Variants in P2RX3 observed in about 807,000 individuals in gnomAD.
The protein encoded by P2RX3 is purinergic receptor P2X 3.
In P2RX3, 41 loss-of-function variants were observed where a neutral mutation model predicts 51.5. The ratio of observed to expected loss-of-function variants is 0.80; its 90% CI spans 0.62 to 1.03. The LOEUF (loss-of-function observed/expected upper bound fraction) is 1.03. P2RX3 is among the 50% of genes least tolerant of loss of function. The pLI, the probability that P2RX3 is intolerant of heterozygous loss-of-function variation, is 0.00. For missense variants in P2RX3, 459 were observed against 522.1 expected (o/e 0.88, Z 1.18); for synonymous variants, 185 against 191.6 (o/e 0.97, Z 0.29).
chr11:57,357,997 G>A (rs1184463600), intron 8 of P2RX3, among the ~76,000 whole-genome samples: 1 of 152,166 alleles, frequency 6.6e-6, no homozygotes, highest in Non-Finnish European at 1.5e-5. Flanking sequence ...TCCTGCTGCT[G>A]TAACAGTTAC....
chr11:57,369,804 G>T, intron 11 of P2RX3, 80 bp from the exon 12 acceptor site: 1 of 1,037,862 alleles, frequency 9.6e-7, no homozygotes. Context: ...GGCGCCCACT[G>T]CTGAGTCTGT....
At chr11:57,364,251 G>A (rs1449606994) in intron 8 of P2RX3, among the ~76,000 whole-genome samples, 1 of 152,210 alleles carries the variant, frequency 6.6e-6, no homozygotes, top group Non-Finnish European at 1.5e-5. Context: ...CCAGTGATGT[G>A]AGACAGGACA....
At chr11:57,353,781 C>G (rs1465529446) in intron 8 of P2RX3, among the ~76,000 whole-genome samples, 1 of 151,702 alleles carries the variant, frequency 6.6e-6, no homozygotes, top group Non-Finnish European at 1.5e-5. Flanking sequence ...CCAGAGGCAG[C>G]TAGAGATTCA....
Position 57,349,762 on chromosome 11 carries a change from ACCT to A in P2RX3, c.573_575del (p.Leu192del). 3 of 1,613,976 alleles carry A rather than the reference ACCT, an allele frequency of 1.9e-6. No homozygotes were observed. Among genetic ancestry groups the A allele is most frequent in the Non-Finnish European group, 1.7e-6 (2 of 1,179,986 alleles). ...CTCTCTCTGCTCCTCCCCAGGGGAA[ACCT>A]CCTTCCCAACCTGACAGCCAGGGAC... is the stretch of plus-strand genomic sequence containing the variant. On this transcript the variant is annotated inframe_deletion, in exon 7 of 12. Transcript: ENST00000263314.
chr11:57,363,436 G>T lies in P2RX3; in HGVS notation c.843-4573G>T, dbSNP rs182694716. ...GGGGAGCGCCATGCAGTCATTCAGG[G>T]ATCTAGGCTCCTGCCATCTTGACTC... On this transcript the variant is annotated intron_variant, in intron 8 of 11. Coordinates refer to ENST00000263314, the MANE Select transcript of P2RX3 (RefSeq NM_002559.5). 2.7e-3 allele frequency among the ~76,000 whole-genome samples: 414 copies of T among 152,232 alleles called. 2 individuals are homozygous for T. The highest frequency in any genetic ancestry group is 9.6e-3 in the African/African-American group (400 of 41,534).
In P2RX3 at chr11:57,348,197, A is replaced by G; in HGVS notation, c.419A>G (p.Tyr140Cys). Reference protein sequence around the residue: ...GGILTGRCVNYSSVLRTCEIQ... With the variant: ...GGILTGRCVNCSSVLRTCEIQ... ...ATCCTCACTGGCCGCTGCGTGAACT[A>G]CAGCTCTGTGCTCCGGACCTGTGAG... The change falls in exon 5 of 12, where the codon TAC (tyrosine) becomes TGC (cysteine). Residue 140 changes from tyrosine to cysteine, a missense_variant. Coordinates refer to ENST00000263314, the MANE Select transcript of P2RX3 (RefSeq NM_002559.5). 6.3e-7 allele frequency: 1 copy of G among 1,598,622 alleles called. No individual in the cohort carries two copies. Among genetic ancestry groups the G allele is most frequent in the South Asian group, 1.1e-5 (1 of 87,810 alleles).
At chr11:57,348,148 G>A in intron 4 of P2RX3, 22 bp from the exon 5 acceptor site, 1 of 1,547,676 alleles carries the variant, frequency 6.5e-7, no homozygotes, top group African/African-American at 1.4e-5. Flanking sequence ...CAGCCACCCA[G>A]CAGCTGTGGC....
Position 57,345,446 on chromosome 11 carries a change from G to A in P2RX3, c.120-1098G>A, listed in dbSNP as rs79871027. On this transcript the variant is annotated intron_variant, in intron 1 of 11. Coordinates refer to ENST00000263314, the MANE Select transcript of P2RX3 (RefSeq NM_002559.5). ...CATCGTATGTTTCTCGGGGAGGGAGGAGGGTTGCATGGCATTTTCTAAACG... is the reference window on the plus strand; with the variant it reads ...CATCGTATGTTTCTCGGGGAGGGAGAAGGGTTGCATGGCATTTTCTAAACG... Among the ~76,000 whole-genome samples, 156 of 152,290 alleles carry A rather than the reference G, an allele frequency of 1.0e-3. 3 individuals carry two copies. The East Asian group carries it at 0.029, about 28-fold the overall frequency.
At position 57,372,374 on chromosome 11, in the gene P2RX3, A is replaced by G. The variant is rs1288875754; in HGVS notation, c.*2377A>G. On this transcript the variant is annotated 3_prime_UTR_variant, in exon 12 of 12. Transcript: ENST00000263314. ...ACAGAAGAAGAAACAGATGCATACT[A>G]AAATAAAGAAACTGAAATAGAAGAA... Among the ~76,000 whole-genome samples, 1 of 152,226 alleles carries G rather than the reference A, an allele frequency of 6.6e-6. No homozygotes were observed. Among genetic ancestry groups the G allele is most frequent in the Non-Finnish European group, 1.5e-5 (1 of 68,044 alleles).
At position 57,349,748 on chromosome 11, in the gene P2RX3, C is replaced by T; in HGVS notation, c.564-9C>T. Reference sequence around the variant, plus strand: ...CCCTGGGCTGACCTCTCTCTCTGCTCCTCCCCAGGGGAAACCTCCTTCCCA... The same window carrying T: ...CCCTGGGCTGACCTCTCTCTCTGCTTCTCCCCAGGGGAAACCTCCTTCCCA... On this transcript the variant is annotated splice_polypyrimidine_tract_variant and intron_variant, in intron 6 of 11. Transcript: ENST00000263314. 6.2e-7 allele frequency: 1 copy of T among 1,614,076 alleles called. No homozygotes were observed. Among genetic ancestry groups the T allele is most frequent in the Non-Finnish European group, 8.5e-7 (1 of 1,179,976 alleles).
chr11:57,347,682 G>A (rs1172544542), intron 4 of P2RX3, among the ~76,000 whole-genome samples: 1 of 152,196 alleles, frequency 6.6e-6, no homozygotes, highest in Non-Finnish European at 1.5e-5. Context: ...GTCTAGGATG[G>A]TGGTGACAGA....
At chr11:57,356,992 CTGTGTGATTATCT>C (rs375687784) in intron 8 of P2RX3, among the ~76,000 whole-genome samples, 1,676 of 152,256 alleles carry the variant, frequency 0.011, 36 homozygotes, top group African/African-American at 0.038. Flanking sequence ...AGCAGGTTCT[CTGTGTGATTATCT>C]TGTTGACCCT....
At chr11:57,368,553 C>G in intron 10 of P2RX3, 116 bp downstream of exon 10, 1 of 1,141,722 alleles carries the variant, frequency 8.8e-7, no homozygotes, top group Non-Finnish European at 1.3e-6. Context: ...TGTAAAACCC[C>G]TACCCCCACT....
intron 8 of P2RX3, among the ~76,000 whole-genome samples, chr11:57,351,759 C>T (rs911113341): frequency 1.3e-5 from 2 of 152,178 alleles, no homozygotes; most frequent in Admixed American, 6.5e-5. Flanking sequence ...TTGTCTACTA[C>T]GTGCTGAGGA....
chr11:57,357,010 G>A (rs1389970763), intron 8 of P2RX3, among the ~76,000 whole-genome samples: 1 of 152,120 alleles, frequency 6.6e-6, no homozygotes, highest in Non-Finnish European at 1.5e-5. Context: ...TTATCTTGTT[G>A]ACCCTGAAGA....
At chr11:57,362,903 T>A (rs1490814725) in intron 8 of P2RX3, among the ~76,000 whole-genome samples, 1 of 152,186 alleles carries the variant, frequency 6.6e-6, no homozygotes, top group Admixed American at 6.5e-5. Context: ...ACTAATATCA[T>A]TATCTACAGG....
In P2RX3 at chr11:57,338,413, G is replaced by A; in HGVS notation, c.-138G>A. 1 of 557,132 alleles carries A rather than the reference G, an allele frequency of 1.8e-6. No homozygotes were observed. The highest frequency in any genetic ancestry group is 3.3e-6 in the Non-Finnish European group (1 of 303,346). The allele number at this position is 557,132 out of a possible 1,614,324, so 34.5% of individuals were successfully genotyped here. On this transcript the variant is annotated 5_prime_UTR_variant, in exon 1 of 12. Transcript: ENST00000263314. The stretch of plus-strand genomic sequence containing the variant: ...CTCACTAGGATTGCATGGCTTAAAG[G>A]GACAGGCTCCCCATTCCTCCAACCC...
chr11:57,351,011 C>T (rs1230946034), intron 8 of P2RX3, 113 bp downstream of exon 8: 3 of 1,463,342 alleles, frequency 2.1e-6, no homozygotes, highest in Non-Finnish European at 2.8e-6. Flanking sequence ...CCCCAAGTCC[C>T]ACCTCAGGTT....
chr11:57,348,433 AC>A, intron 5 of P2RX3, 170 bp downstream of exon 5: 1 of 724,464 alleles, frequency 1.4e-6, no homozygotes, highest in Non-Finnish European at 2.2e-6. Context: ...TCCCCAGCCC[AC>A]CCACCTGCCT....
Sources: allele counts gnomAD v4.1 joint callset (sites outside exome capture counted in the v4.1 genomes callset), GRCh38; gene constraint gnomAD v4.1.1; transcripts MANE v1.5; gene names NCBI Gene and HGNC (gene_info 2026-07-23, HGNC 2026-07-21).